PKIG: variants seen among roughly 807,000 people sequenced by gnomAD.
PKIG encodes cAMP-dependent protein kinase inhibitor gamma, also known as protein kinase (cAMP-dependent, catalytic) inhibitor gamma.
A neutral mutation model predicts 6.8 loss-of-function variants in PKIG; 1 was observed. That is an observed-to-expected ratio of 0.15 (90% CI 0.05 to 0.69). PKIG has a LOEUF of 0.69. PKIG is among the 30% of genes least tolerant of loss of function. The pLI is 0.82. For missense variants in PKIG, 77 were observed against 104.0 expected, an observed-to-expected ratio of 0.74 and a Z score of 1.13; for synonymous variants, 39 against 43.0, an observed-to-expected ratio of 0.91 and a Z score of 0.36.
intron 1 of PKIG, among the ~76,000 whole-genome samples, chr20:44,541,978 C>T (rs1174994468): frequency 6.6e-6 from 1 of 152,088 alleles, no homozygotes; most frequent in South Asian, 2.1e-4. Flanking sequence ...CATAAGCCAC[C>T]ACTCCCGGCC....
intron 1 of PKIG, among the ~76,000 whole-genome samples, chr20:44,562,601 C>CA (rs1191493549): frequency 0.23 from 13,251 of 57,656 alleles, 1,898 homozygotes; most frequent in African/African-American, 0.39. Context: ...GACCCTGTCT[C>CA]AAAAAAAAAA....
intron 2 of PKIG, among the ~76,000 whole-genome samples, chr20:44,592,644 C>T (rs1032023329): frequency 6.6e-6 from 1 of 152,174 alleles, no homozygotes; most frequent in East Asian, 1.9e-4. Context: ...GCCAGAAGGC[C>T]ACCCCCTAAT....
chr20:44,540,106 G>A (rs1600835220), intron 1 of PKIG, among the ~76,000 whole-genome samples: 2 of 152,046 alleles, frequency 1.3e-5, no homozygotes, highest in Admixed American at 6.6e-5. Context: ...GACTACAGGC[G>A]CATGCCACCA....
intron 1 of PKIG, among the ~76,000 whole-genome samples, chr20:44,561,669 A>G (rs1182328843): frequency 1.3e-5 from 2 of 152,146 alleles, no homozygotes; most frequent in Admixed American, 6.6e-5. Flanking sequence ...TGCAGTGGCT[A>G]TTCCCAGGTG....
At chr20:44,612,922 C>T (rs1019422117) in intron 2 of PKIG, among the ~76,000 whole-genome samples, 1 of 152,244 alleles carries the variant, frequency 6.6e-6, no homozygotes, top group Admixed American at 6.5e-5. Context: ...AGGCCTCATC[C>T]TAGAGTAAAT....
At chr20:44,558,623 T>C (rs1295009047) in intron 1 of PKIG, among the ~76,000 whole-genome samples, 8 of 151,332 alleles carry the variant, frequency 5.3e-5, no homozygotes, top group Non-Finnish European at 1.2e-4. Context: ...TCTCATTCTT[T>C]CTTTTTCATT....
intron 2 of PKIG, among the ~76,000 whole-genome samples, chr20:44,595,641 G>A (rs2065069260): frequency 1.3e-5 from 2 of 152,200 alleles, no homozygotes; most frequent in Admixed American, 1.3e-4. Flanking sequence ...AGCCTCCTGA[G>A]TAGCTGGGAT....
At chr20:44,611,199 C>T (rs899415615) in intron 2 of PKIG, among the ~76,000 whole-genome samples, 10 of 152,024 alleles carry the variant, frequency 6.6e-5, no homozygotes, top group East Asian at 1.9e-4. Flanking sequence ...AGACTACAGG[C>T]GTGTGCTACC....
At chr20:44,545,024 C>T (rs768478851) in intron 1 of PKIG, among the ~76,000 whole-genome samples, 4 of 148,520 alleles carry the variant, frequency 2.7e-5, no homozygotes, top group African/African-American at 5.0e-5. Flanking sequence ...CAACCTCCAC[C>T]TCCTGGGTTC....
chr20:44,617,245 G>A (rs2065273433), intron 3 of PKIG, among the ~76,000 whole-genome samples: 1 of 152,172 alleles, frequency 6.6e-6, no homozygotes, highest in South Asian at 2.1e-4. Context: ...GTCTGGTTGG[G>A]CTGGATTTGA....
At chr20:44,577,830 G>A (rs1177831748), upstream of PKIG, among the ~76,000 whole-genome samples, 2 of 152,166 alleles carry the variant, frequency 1.3e-5, no homozygotes, top group Admixed American at 1.3e-4. Flanking sequence ...ATATCCGTCA[G>A]TTGCTAGCTG....
intron 1 of PKIG, among the ~76,000 whole-genome samples, chr20:44,555,869 G>C (rs573441125): frequency 6.6e-6 from 1 of 151,996 alleles, no homozygotes; most frequent in South Asian, 2.1e-4. Context: ...ACGGAGTCTC[G>C]CTGTGTCACC....
chr20:44,543,563 T>C (rs2064581965), intron 1 of PKIG, among the ~76,000 whole-genome samples: 1 of 152,218 alleles, frequency 6.6e-6, no homozygotes, highest in South Asian at 2.1e-4. Context: ...AACGTGTATA[T>C]GTTTTGGCTG....
intron 1 of PKIG, among the ~76,000 whole-genome samples, chr20:44,533,960 G>A (rs2064490290): frequency 1.3e-5 from 2 of 152,220 alleles, no homozygotes; most frequent in African/African-American, 2.4e-5. Context: ...TGGTGAAATG[G>A]TTGGGGCGGA....
At chr20:44,600,579 C>T (rs757841790) in intron 2 of PKIG, among the ~76,000 whole-genome samples, 27 of 151,954 alleles carry the variant, frequency 1.8e-4, no homozygotes, top group Admixed American at 5.2e-4. Flanking sequence ...GGCACTGTTG[C>T]TCATGCCTGT....
intron 1 of PKIG, among the ~76,000 whole-genome samples, chr20:44,584,357 C>T (rs1289206899): frequency 1.3e-5 from 2 of 151,970 alleles, no homozygotes; most frequent in East Asian, 3.9e-4. Flanking sequence ...TTAAAGCCCG[C>T]CATCCTAGTT....
At chr20:44,602,663 T>C (rs185354977) in intron 2 of PKIG, among the ~76,000 whole-genome samples, 11 of 151,216 alleles carry the variant, frequency 7.3e-5, no homozygotes, top group Non-Finnish European at 7.4e-5. Context: ...TGAAACCCCA[T>C]CTCTATTAAA....
At position 44,541,695 on chromosome 20, in the gene PKIG, C is replaced by CTT. The variant is rs554662358; in HGVS notation, c.-241+9731_-241+9732dup. On this transcript the variant is annotated intron_variant, in intron 1 of 4. Coordinates refer to the PKIG transcript ENST00000372887. ...TTTTTAAGTGTAGGTTCTTTAGGTTCTTTTTTTTTTTTTTTGAGACGGGGT... is the reference window on the plus strand; with the variant it reads ...TTTTTAAGTGTAGGTTCTTTAGGTTCTTTTTTTTTTTTTTTTTGAGACGGGGT... Among the ~76,000 whole-genome samples, 23 of 134,788 alleles carry CTT rather than the reference C, an allele frequency of 1.7e-4. No individual in the cohort carries two copies. The East Asian group carries it at 2.4e-3, about 14-fold the overall frequency. The allele number at this position is 134,788 out of a possible 152,430, so 88.4% of individuals were successfully genotyped here.
At chr20:44,561,602 T>C (rs1055796814) in intron 1 of PKIG, among the ~76,000 whole-genome samples, 1 of 152,128 alleles carries the variant, frequency 6.6e-6, no homozygotes, top group African/African-American at 2.4e-5. Flanking sequence ...AGTTCTAATA[T>C]GCATTTAAAA....
Sources: allele counts gnomAD v4.1 joint callset (sites outside exome capture counted in the v4.1 genomes callset), GRCh38; gene constraint gnomAD v4.1.1; transcripts MANE v1.5; gene names NCBI Gene and HGNC (gene_info 2026-07-23, HGNC 2026-07-21).